The following ITLN1 variants were observed in gnomAD, a reference collection of about 807,000 sequenced individuals.
The protein encoded by ITLN1 is intelectin 1, also known as intelectin-1.
In ITLN1, 29 loss-of-function variants were observed where a neutral mutation model predicts 36.2. The observed-to-expected ratio is 0.80, with a 90% CI of 0.60 to 1.09. ITLN1 has a LOEUF of 1.09. ITLN1 is among the 50% of genes least tolerant of loss of function. ITLN1 has a pLI of 0.00. For synonymous variants in ITLN1, 143 were observed against 146.5 expected (o/e 0.98, Z 0.17); for missense variants, 358 against 405.2 (o/e 0.88, Z 1.00).
chr1:160,877,530 C>A (rs1670609229), intron 7 of ITLN1, among the ~76,000 whole-genome samples: 1 of 152,320 alleles, frequency 6.6e-6, no homozygotes, highest in Non-Finnish European at 1.5e-5. Flanking sequence ...ACACAGGAAC[C>A]TCAAGCTCCA....
At chr1:160,882,494 A>G (rs975130014) in intron 3 of ITLN1, among the ~76,000 whole-genome samples, 3 of 152,228 alleles carry the variant, frequency 2.0e-5, no homozygotes, top group African/African-American at 7.2e-5. Context: ...TCCCCAAAAG[A>G]ATTGAAAACA....
At chr1:160,882,455 T>C (rs1421931643) in intron 3 of ITLN1, among the ~76,000 whole-genome samples, 1 of 152,230 alleles carries the variant, frequency 6.6e-6, no homozygotes, top group African/African-American at 2.4e-5. Flanking sequence ...GGAATTATTG[T>C]ATGACCCAGC....
chr1:160,879,372 T>C lies in ITLN1; in HGVS notation c.728A>G (p.Asn243Ser). Residue 243 changes from asparagine (N) to serine (S), a missense_variant, in exon 7 of 8, where the codon AAC becomes AGC. Coordinates refer to ENST00000326245, the MANE Select transcript of ITLN1 (RefSeq NM_017625.3). ...ACACAAGGCGTTGGCTGCTCTCTCG[T>C]TATTAAATACCCTGAACTGAACAAA... is the stretch of plus-strand genomic sequence containing the variant. Reference protein sequence around the residue: ...AGFVQFRVFNNERAANALCAG... With the variant: ...AGFVQFRVFNSERAANALCAG... The C allele has an allele frequency of 6.2e-7, 1 of 1,614,166 alleles. No individual in the cohort carries two copies. Among genetic ancestry groups the C allele is most frequent in the South Asian group, 1.1e-5 (1 of 91,078 alleles).
At chr1:160,883,311 G>A in intron 3 of ITLN1, 117 bp downstream of exon 3, 1 of 639,496 alleles carries the variant, frequency 1.6e-6, no homozygotes, top group Non-Finnish European at 2.7e-6. Flanking sequence ...CAAATCTTAT[G>A]TAAATTATAA....
chr1:160,881,925 C>A lies in ITLN1; in HGVS notation c.405+32G>T, dbSNP rs781572519. 4 of 1,614,040 alleles carry A rather than the reference C, an allele frequency of 2.5e-6. No homozygotes were observed. In the Admixed American group the frequency reaches 6.7e-5, roughly 27 times the overall value. On this transcript the variant is annotated intron_variant, in intron 4 of 7. Transcript: ENST00000326245. ...TGGCCAGCCACACTCCACTCCTCAC[C>A]CTCACCCGAGTGGGTAAGAAGTGGC...
At chr1:160,879,566 G>C (rs1670644866) in intron 6 of ITLN1, 152 bp from the exon 7 acceptor site, 2 of 637,080 alleles carry the variant, frequency 3.1e-6, no homozygotes, top group South Asian at 3.7e-5. Context: ...GCCAATGGCT[G>C]CTACATCCTG....
intron 7 of ITLN1, among the ~76,000 whole-genome samples, chr1:160,879,070 A>G (rs768335359): frequency 1.8e-4 from 27 of 152,166 alleles, no homozygotes; most frequent in Non-Finnish European, 3.5e-4. Context: ...ACACCCAGTA[A>G]TGGTTCTTTT....
intron 7 of ITLN1, 131 bp from the exon 8 acceptor site, chr1:160,876,947 C>T: frequency 2.2e-6 from 2 of 920,540 alleles, no homozygotes; most frequent in South Asian, 3.5e-5. Context: ...ATCTATTCTT[C>T]CCATAAAAAC....
Position 160,880,717 on chromosome 1 carries a change from A to T in ITLN1, c.565-9T>A, listed in dbSNP as rs1314868875. 6.2e-7 allele frequency: 1 copy of T among 1,613,954 alleles called. No homozygotes were observed. The highest frequency in any genetic ancestry group is 8.5e-7 in the Non-Finnish European group (1 of 1,179,994). ...TATTTCACTGGATATTTCTACAAAG[A>T]ACACAGAAAAAGTCATGGAGTAAAG... On this transcript the variant is annotated splice_polypyrimidine_tract_variant and intron_variant, in intron 5 of 7. Transcript: ENST00000326245.
intron 7 of ITLN1, among the ~76,000 whole-genome samples, chr1:160,878,315 T>TGTA (rs1456915694): frequency 2.0e-5 from 3 of 152,136 alleles, no homozygotes; most frequent in Non-Finnish European, 2.9e-5. Context: ...CGGTACAGCC[T>TGTA]GCAGAACCAT....
At position 160,880,631 on chromosome 1, in the gene ITLN1, G is replaced by C. The variant is rs201111955; in HGVS notation, c.642C>G (p.Gly214=). 6.2e-7 allele frequency: 1 copy of C among 1,613,994 alleles called. No individual in the cohort carries two copies. Among genetic ancestry groups the C allele is most frequent in the African/African-American group, 1.3e-5 (1 of 74,986 alleles). The part of the protein sequence containing the change: ...GPVIPVVYDF[G]DAQKTASYYS... The stretch of plus-strand genomic sequence containing the variant: ...AATAAGATGCTGTTTTCTGGGCGTC[G>C]CCAAAATCATAGACCACAGGGATCA... The change falls in exon 6 of 8, where the codon GGC becomes GGG. Residue 214 remains glycine, a synonymous_variant. Coordinates refer to ENST00000326245, the MANE Select transcript of ITLN1 (RefSeq NM_017625.3).
In ITLN1 at chr1:160,880,618, T is replaced by C. The variant is rs746507778; in HGVS notation, c.655A>G (p.Thr219Ala). The C allele has an allele frequency of 6.2e-7, 1 of 1,614,166 alleles. No individual in the cohort carries two copies. The highest frequency in any genetic ancestry group is 2.2e-5 in the East Asian group (1 of 44,884). ...CCATAGGGTGAGTAATAAGATGCTGTTTTCTGGGCGTCGCCAAAATCATAG... is the reference window on the plus strand; with the variant it reads ...CCATAGGGTGAGTAATAAGATGCTGCTTTCTGGGCGTCGCCAAAATCATAG... Reference protein sequence around the residue: ...VVYDFGDAQKTASYYSPYGQR... With the variant: ...VVYDFGDAQKAASYYSPYGQR... The change falls in exon 6 of 8, where the codon ACA becomes GCA. Residue 219 changes from threonine to alanine, a missense_variant. Transcript: ENST00000326245.
At chr1:160,877,530 C>G (rs1670609229) in intron 7 of ITLN1, among the ~76,000 whole-genome samples, 1 of 152,202 alleles carries the variant, frequency 6.6e-6, no homozygotes, top group Admixed American at 6.5e-5. Flanking sequence ...ACACAGGAAC[C>G]TCAAGCTCCA....
chr1:160,884,451 C>A (rs545809308), intron 2 of ITLN1, among the ~76,000 whole-genome samples: 21 of 151,896 alleles, frequency 1.4e-4, no homozygotes, highest in African/African-American at 4.6e-4. Flanking sequence ...TTTAAAATGT[C>A]ATTGTTATTC....
In ITLN1 at chr1:160,876,729, T is replaced by A; in HGVS notation, c.877A>T (p.Thr293Ser). 1 of 1,613,928 alleles carries A rather than the reference T, an allele frequency of 6.2e-7. No homozygotes were observed. The highest frequency in any genetic ancestry group is 8.5e-7 in the Non-Finnish European group (1 of 1,179,986). Reference protein sequence around the residue: ...FSGFDWSGYGTHVGYSSSREI... With the variant: ...FSGFDWSGYGSHVGYSSSREI... Reference sequence around the variant, plus strand: ...CGGCTGCTGCTGTAACCAACATGAGTTCCATATCCACTCCAATCAAAACCA... The same window carrying A: ...CGGCTGCTGCTGTAACCAACATGAGATCCATATCCACTCCAATCAAAACCA... Residue 293 changes from threonine to serine, a missense_variant, in exon 8 of 8, where the codon ACT becomes TCT. By Grantham distance (58) the Thr-to-Ser change is moderately conservative. Transcript: ENST00000326245.
chr1:160,877,707 G>A (rs1473951788), intron 7 of ITLN1, among the ~76,000 whole-genome samples: 1 of 152,168 alleles, frequency 6.6e-6, no homozygotes, highest in African/African-American at 2.4e-5. Context: ...TTGGACCTGG[G>A]TCCCCACAAA....
rs2236515 is a variant in ITLN1, at chr1:160,881,146, T to C, written c.564+8A>G. ...TGAAAACCAGTCCCAGCCAGCAGCC[T>C]TCTGTACCTGGTAGATGCCAAACAG... On this transcript the variant is annotated splice_region_variant and intron_variant, in intron 5 of 7. Transcript: ENST00000326245. 1,092,765 of 1,599,498 alleles carry C rather than the reference T, an allele frequency of 0.68. 373,965 individuals are homozygous for C. Among genetic ancestry groups the C allele is most frequent in the Middle Eastern group, 0.74 (4,456 of 6,004 alleles).
At chr1:160,884,924 T>A in intron 1 of ITLN1, 41 bp from the exon 2 acceptor site, 1 of 1,371,650 alleles carries the variant, frequency 7.3e-7, no homozygotes, top group Non-Finnish European at 1.0e-6. Flanking sequence ...TGGCCATCAT[T>A]TTTCTCTACA....
chr1:160,882,104 G>T lies in ITLN1; in HGVS notation c.258C>A (p.His86Gln), dbSNP rs2274908. ...TGCACTTCCCACGCATGTCATTCTC[G>T]TGCACGCTGGCCACCAGGGTCCAGC... ...GGGWTLVASV[H>Q]ENDMRGKCTV... Residue 86 changes from histidine (H) to glutamine (Q), a missense_variant, in exon 4 of 8, where the codon CAC (histidine) becomes CAA (glutamine). Physicochemically the swap from His to Gln is conservative, Grantham distance 24. Coordinates refer to ENST00000326245, the MANE Select transcript of ITLN1 (RefSeq NM_017625.3). 6.2e-7 allele frequency: 1 copy of T among 1,613,752 alleles called. No homozygotes were observed. Among genetic ancestry groups the T allele is most frequent in the African/African-American group, 1.3e-5 (1 of 74,786 alleles).
Sources: allele counts gnomAD v4.1 joint callset (sites outside exome capture counted in the v4.1 genomes callset), GRCh38; gene constraint gnomAD v4.1.1; transcripts MANE v1.5; gene names NCBI Gene and HGNC (gene_info 2026-07-23, HGNC 2026-07-21).